The following PIK3R5 variants were observed in gnomAD, a reference collection of about 807,000 sequenced individuals.
PIK3R5 encodes the protein phosphoinositide 3-kinase regulatory subunit 5.
A neutral mutation model predicts 94.9 loss-of-function variants in PIK3R5; 32 were observed. The ratio of observed to expected loss-of-function variants is 0.34; its 90% CI spans 0.25 to 0.45. The LOEUF is 0.45. Among genes scored for constraint, PIK3R5 ranks in the 20% least tolerant of loss-of-function variants. The pLI is 1.00. For missense variants in PIK3R5, 853 were observed against 1,144.6 expected (o/e 0.75, Z 3.68); for synonymous variants, 443 against 479.4 (o/e 0.92, Z 0.99).
At chr17:8,894,705 G>C (rs947200400) in intron 5 of PIK3R5, among the ~76,000 whole-genome samples, 3 of 152,148 alleles carry the variant, frequency 2.0e-5, no homozygotes, top group Non-Finnish European at 4.4e-5. Flanking sequence ...AACAGAAAGC[G>C]GGAGTTCACT....
intron 1 of PIK3R5, among the ~76,000 whole-genome samples, chr17:8,917,564 T>G (rs1045431968): frequency 6.6e-6 from 1 of 152,154 alleles, no homozygotes; most frequent in African/African-American, 2.4e-5. Context: ...GAATGTGAGT[T>G]AAAAATTCTA....
intron 1 of PIK3R5, among the ~76,000 whole-genome samples, chr17:8,913,771 A>G (rs61758028): frequency 0.061 from 9,294 of 152,286 alleles, 443 homozygotes; most frequent in Non-Finnish European, 0.091. Flanking sequence ...GGGTGTGTCC[A>G]TTAGCAGCAC....
Position 8,881,766 on chromosome 17 carries a change from C to T in PIK3R5, c.2299+22G>A, listed in dbSNP as rs56990998. The T allele has an allele frequency of 7.8e-3, 12,659 of 1,613,144 alleles. 821 individuals are homozygous for T. The African/African-American group carries it at 0.15, about 19-fold the overall frequency. On this transcript the variant is annotated intron_variant, in intron 16 of 18. Transcript: ENST00000447110. The surrounding 1 kb of genome is among the most constrained non-coding windows in gnomAD (Gnocchi z 4.8). ...TCAGAGCACCTCCCTACTGCACACC[C>T]CACACTGACCACCCCACTCACCCAG...
chr17:8,936,040 C>T (rs1198943669), intron 1 of PIK3R5, among the ~76,000 whole-genome samples: 9 of 143,512 alleles, frequency 6.3e-5, no homozygotes, highest in Middle Eastern at 3.5e-3. Flanking sequence ...GGTGACAGAC[C>T]GAGACTCCAT....
In PIK3R5 at chr17:8,889,281, G is replaced by A; in HGVS notation, c.812-59C>T. ...GGGAAGAGGCCTTGGAGATTGGCCA[G>A]TCCAGTCCCCTTGCCTTGGAGAAGA... On this transcript the variant is annotated intron_variant, in intron 8 of 18. Coordinates refer to ENST00000447110, the MANE Select transcript of PIK3R5 (RefSeq NM_001142633.3). This position sits in a 1 kb window ranked among gnomAD's most constrained non-coding sequence, Gnocchi z 4.1. 7.7e-7 allele frequency: 1 copy of A among 1,291,972 alleles called. No homozygotes were observed. Among genetic ancestry groups the A allele is most frequent in the East Asian group, 2.3e-5 (1 of 42,688 alleles). 80.0% of individuals were successfully genotyped at this position (1,291,972 alleles called of 1,614,324 possible).
intron 1 of PIK3R5, among the ~76,000 whole-genome samples, chr17:8,938,637 G>A (rs149255537): frequency 2.6e-5 from 4 of 152,232 alleles, no homozygotes; most frequent in African/African-American, 9.6e-5. Flanking sequence ...TATGATATGT[G>A]GTCTTTTGCA....
rs949503628 is a variant in PIK3R5 at position 8,892,490 on chromosome 17, T to C, written c.482+1096A>G. Among the ~76,000 whole-genome samples the C allele has an allele frequency of 1.3e-5, 2 of 151,956 alleles. No individual in the cohort carries two copies. The highest frequency in any genetic ancestry group is 3.9e-4 in the East Asian group (2 of 5,182). On this transcript the variant is annotated intron_variant, in intron 6 of 18. Coordinates refer to ENST00000447110, the MANE Select transcript of PIK3R5 (RefSeq NM_001142633.3). The surrounding 1 kb of genome is among the most constrained non-coding windows in gnomAD (Gnocchi z 4.3). ...TGCCTCACTTCCCTTATGTGAAAAA[T>C]CCCTTTCTCACGGGGTTAACGTGAG...
intron 1 of PIK3R5, among the ~76,000 whole-genome samples, chr17:8,934,551 A>G (rs757792590): frequency 5.9e-5 from 9 of 152,206 alleles, no homozygotes; most frequent in Non-Finnish European, 1.0e-4. Flanking sequence ...AAAAAATAGA[A>G]ATGAATAACA....
At chr17:8,913,432 T>C (rs541785315) in intron 1 of PIK3R5, among the ~76,000 whole-genome samples, 18 of 152,244 alleles carry the variant, frequency 1.2e-4, no homozygotes, top group African/African-American at 2.4e-4. Context: ...GGTGGCTGGG[T>C]GCGGTGGCTC....
At position 8,941,238 on chromosome 17, in the gene PIK3R5, C is replaced by A. The variant is rs2091174333; in HGVS notation, c.-14+24358G>T. On this transcript the variant is annotated intron_variant, in intron 1 of 18. Coordinates refer to ENST00000447110, the MANE Select transcript of PIK3R5 (RefSeq NM_001142633.3). Reference sequence around the variant, plus strand: ...GAGGCAGAGAGTAGGGAGGCAGGTGCAGGGAGGCCAGGCTCCACAGAGGCA... The same window carrying A: ...GAGGCAGAGAGTAGGGAGGCAGGTGAAGGGAGGCCAGGCTCCACAGAGGCA... Among the ~76,000 whole-genome samples, 3 of 152,208 alleles carry A rather than the reference C, an allele frequency of 2.0e-5. No homozygotes were observed. The South Asian group carries it at 6.2e-4, about 32-fold the overall frequency.
intron 1 of PIK3R5, among the ~76,000 whole-genome samples, chr17:8,933,962 C>T (rs555800043): frequency 2.0e-5 from 3 of 152,302 alleles, no homozygotes; most frequent in African/African-American, 7.2e-5. Flanking sequence ...TTATAAAGAG[C>T]ATCTATGAAA....
chr17:8,938,826 T>C (rs545963990), intron 1 of PIK3R5, among the ~76,000 whole-genome samples: 179 of 152,338 alleles, frequency 1.2e-3, no homozygotes, highest in Non-Finnish European at 1.3e-3. Flanking sequence ...AATGCTTGAA[T>C]TTATGGACCA....
chr17:8,882,224 T>A lies in PIK3R5; in HGVS notation c.2206-343A>T. Reference sequence around the variant, plus strand: ...ATGCTGTTTCTGGCAGAGCCAGACCTGAACCCCCTCTTCAAGTCTTTGTGT... The same window carrying A: ...ATGCTGTTTCTGGCAGAGCCAGACCAGAACCCCCTCTTCAAGTCTTTGTGT... On this transcript the variant is annotated intron_variant, in intron 15 of 18. Coordinates refer to ENST00000447110, the MANE Select transcript of PIK3R5 (RefSeq NM_001142633.3). This position sits in a 1 kb window ranked among gnomAD's most constrained non-coding sequence, Gnocchi z 4.1. 3.3e-6 allele frequency: 1 copy of A among 301,782 alleles called. No individual in the cohort carries two copies. Among genetic ancestry groups the A allele is most frequent in the Non-Finnish European group, 6.4e-6 (1 of 156,960 alleles). 18.7% of individuals were successfully genotyped at this position (301,782 alleles called of 1,614,324 possible).
chr17:8,890,581 C>T lies in PIK3R5; in HGVS notation c.657+157G>A, dbSNP rs896300662. On this transcript the variant is annotated intron_variant, in intron 7 of 18. Coordinates refer to ENST00000447110, the MANE Select transcript of PIK3R5 (RefSeq NM_001142633.3). The surrounding 1 kb of genome is among the most constrained non-coding windows in gnomAD (Gnocchi z 6.1). ...GTTAGGATCCAGCACACCAGAAACA[C>T]CCTCTATGAGGTCAGCCCTCCAGCC... Among the ~76,000 whole-genome samples, 31 of 152,358 alleles carry T rather than the reference C, an allele frequency of 2.0e-4. No homozygotes were observed. Among genetic ancestry groups the T allele is most frequent in the Non-Finnish European group, 4.3e-4 (29 of 68,032 alleles).
At position 8,884,886 on chromosome 17, in the gene PIK3R5, A is replaced by C. The variant is rs564920726; in HGVS notation, c.2129-103T>G. 7.5e-5 allele frequency: 67 copies of C among 891,942 alleles called. No individual in the cohort carries two copies. The African/African-American group carries it at 1.0e-3, about 14-fold the overall frequency. The allele number at this position is 891,942 out of a possible 1,614,324, so 55.3% of individuals were successfully genotyped here. ...GGGCCTTACCTCCCCATCCCCTACC[A>C]CATGGACCGTGACTCCCTAGGGATC... On this transcript the variant is annotated intron_variant, in intron 14 of 18. Transcript: ENST00000447110. The surrounding 1 kb of genome is among the most constrained non-coding windows in gnomAD (Gnocchi z 5.8).
At chr17:8,899,401 C>T (rs2083446102) in intron 5 of PIK3R5, among the ~76,000 whole-genome samples, 1 of 152,224 alleles carries the variant, frequency 6.6e-6, no homozygotes, top group Admixed American at 6.5e-5. Flanking sequence ...CAGGACCTAC[C>T]TTCTAAGCTA....
chr17:8,964,054 A>G (rs1233112015), intron 1 of PIK3R5, among the ~76,000 whole-genome samples: 1 of 152,156 alleles, frequency 6.6e-6, no homozygotes, highest in Non-Finnish European at 1.5e-5. Flanking sequence ...TCCACGGAGC[A>G]TCTCCCACGT....
intron 1 of PIK3R5, among the ~76,000 whole-genome samples, chr17:8,965,364 C>T (rs1049671130): frequency 1.3e-4 from 20 of 152,222 alleles, no homozygotes; most frequent in African/African-American, 4.8e-4. Flanking sequence ...ATAAGTGGTC[C>T]CCGCGACGCC....
chr17:8,920,815 TTAAG>T (rs1322051580), intron 1 of PIK3R5, among the ~76,000 whole-genome samples: 1 of 144,976 alleles, frequency 6.9e-6, no homozygotes, highest in East Asian at 2.0e-4. Context: ...CATATGTATA[TTAAG>T]TATTTTTTTT....
Sources: allele counts gnomAD v4.1 joint callset (sites outside exome capture counted in the v4.1 genomes callset), GRCh38; gene constraint gnomAD v4.1.1; non-coding constraint Gnocchi (gnomAD v3.1); transcripts MANE v1.5; gene names NCBI Gene and HGNC (gene_info 2026-07-23, HGNC 2026-07-21).